The following CABCOCO1 variants were observed in gnomAD, a reference collection of about 807,000 sequenced individuals.
CABCOCO1 encodes the protein ciliary associated calcium binding coiled-coil 1.
A neutral mutation model predicts 35.7 loss-of-function variants in CABCOCO1; 28 were observed. The observed-to-expected ratio is 0.78, with a 90% CI of 0.58 to 1.07. The LOEUF (loss-of-function observed/expected upper bound fraction) is 1.07, where lower values mean the gene tolerates loss of function less well. Among genes scored for constraint, CABCOCO1 ranks in the 50% least tolerant of loss-of-function variants. CABCOCO1 has a pLI of 0.00. For synonymous variants in CABCOCO1, 95 were observed against 100.1 expected (o/e 0.95, Z 0.30); for missense variants, 326 against 309.2 (o/e 1.05, Z -0.41).
At chr10:61,747,667 T>C (rs2096257870) in intron 5 of CABCOCO1, among the ~76,000 whole-genome samples, 1 of 152,224 alleles carries the variant, frequency 6.6e-6, no homozygotes, top group Non-Finnish European at 1.5e-5. Context: ...TTGGTTTTGA[T>C]TACTTAAACA....
chr10:61,728,220 G>A (rs1175275079), intron 5 of CABCOCO1, among the ~76,000 whole-genome samples: 1 of 152,034 alleles, frequency 6.6e-6, no homozygotes, highest in African/African-American at 2.4e-5. Context: ...TGCATTGTTG[G>A]TTTTTCTATT....
intron 5 of CABCOCO1, among the ~76,000 whole-genome samples, chr10:61,699,474 C>T (rs1840385263): frequency 6.6e-6 from 1 of 152,114 alleles, no homozygotes; most frequent in South Asian, 2.1e-4. Flanking sequence ...AATCTCAGCT[C>T]CTCTGTGACC....
At chr10:61,684,466 T>A (rs952730425) in intron 3 of CABCOCO1, among the ~76,000 whole-genome samples, 1 of 152,142 alleles carries the variant, frequency 6.6e-6, no homozygotes, top group Non-Finnish European at 1.5e-5. Context: ...AATCCAGAAA[T>A]ACCTGGTCCA....
intron 1 of CABCOCO1, among the ~76,000 whole-genome samples, chr10:61,666,210 C>T (rs1839168256): frequency 6.6e-6 from 1 of 152,162 alleles, no homozygotes; most frequent in East Asian, 1.9e-4. Context: ...CTTTAGAAAA[C>T]AGACCCCACT....
intron 5 of CABCOCO1, among the ~76,000 whole-genome samples, chr10:61,745,413 G>A (rs1337758607): frequency 6.6e-6 from 1 of 152,240 alleles, no homozygotes; most frequent in African/African-American, 2.4e-5. Flanking sequence ...TGGCCTCCCT[G>A]TCCTTGCTCT....
rs911580649 is a variant in CABCOCO1 at position 61,766,311 on chromosome 10, T to G, written c.*298T>G. On this transcript the variant is annotated 3_prime_UTR_variant, in exon 8 of 8. Coordinates refer to ENST00000648843, the MANE Select transcript of CABCOCO1 (RefSeq NM_001366906.2). ...TATGATAGTCCTTTGACGTTTTGACTAATAAATCCTATTCATCTTCAAGGA... is the reference window on the plus strand; with the variant it reads ...TATGATAGTCCTTTGACGTTTTGACGAATAAATCCTATTCATCTTCAAGGA... 1.1e-4 allele frequency: 21 copies of G among 185,444 alleles called. No homozygotes were observed. The South Asian group carries it at 3.1e-3, about 28-fold the overall frequency. The allele number at this position is 185,444 out of a possible 1,614,324, so 11.5% of individuals were successfully genotyped here.
At chr10:61,727,088 A>T (rs1841172783) in intron 5 of CABCOCO1, among the ~76,000 whole-genome samples, 1 of 152,116 alleles carries the variant, frequency 6.6e-6, no homozygotes, top group Admixed American at 6.6e-5. Flanking sequence ...TTATAATAAT[A>T]AGAGATAAAA....
chr10:61,674,781 T>TAAAGTGAATA (rs1691082211), intron 2 of CABCOCO1, among the ~76,000 whole-genome samples: 2 of 152,312 alleles, frequency 1.3e-5, no homozygotes, highest in South Asian at 4.1e-4. Flanking sequence ...AAATTCACTT[T>TAAAGTGAATA]AAGCAGTTAA....
chr10:61,744,000 C>T (rs2132071481), intron 5 of CABCOCO1, among the ~76,000 whole-genome samples: 1 of 152,298 alleles, frequency 6.6e-6, no homozygotes, highest in African/African-American at 2.4e-5. Context: ...TAGACTGAGA[C>T]CTCCTCAAAA....
At chr10:61,764,806 C>G (rs1313098491) in intron 7 of CABCOCO1, among the ~76,000 whole-genome samples, 1 of 151,996 alleles carries the variant, frequency 6.6e-6, no homozygotes, top group Non-Finnish European at 1.5e-5. Context: ...TATGTGAGTT[C>G]TGAACCCAGA....
rs536261913 is a variant in CABCOCO1, at chr10:61,705,950, C to T, written c.552+15329C>T. Among the ~76,000 whole-genome samples the T allele has an allele frequency of 3.7e-4, 56 of 152,282 alleles. 1 individual carries two copies. In the South Asian group the frequency reaches 0.012, roughly 32 times the overall value. ...TAATCCTTAAAAGTATCAAAGACAACCATGAATGAAAGAGACTGTCTAGAT... is the reference window on the plus strand; with the variant it reads ...TAATCCTTAAAAGTATCAAAGACAATCATGAATGAAAGAGACTGTCTAGAT... On this transcript the variant is annotated intron_variant, in intron 5 of 7. Coordinates refer to ENST00000648843, the MANE Select transcript of CABCOCO1 (RefSeq NM_001366906.2).
intron 5 of CABCOCO1, among the ~76,000 whole-genome samples, chr10:61,730,740 T>C (rs993374258): frequency 1.3e-5 from 2 of 152,122 alleles, no homozygotes; most frequent in African/African-American, 2.4e-5. Flanking sequence ...GTAATAAACA[T>C]TCATAATACA....
intron 2 of CABCOCO1, 34 bp from the exon 3 acceptor site, chr10:61,681,109 G>T: frequency 2.3e-6 from 3 of 1,303,108 alleles, no homozygotes; most frequent in Middle Eastern, 2.0e-4. Context: ...TATCTAATCT[G>T]AATTAATATG....
At chr10:61,689,681 G>C (rs1224553726) in intron 4 of CABCOCO1, among the ~76,000 whole-genome samples, 3 of 152,132 alleles carry the variant, frequency 2.0e-5, no homozygotes, top group Non-Finnish European at 2.9e-5. Context: ...AAAGGCACCA[G>C]AGTGAAAGAG....
chr10:61,698,114 T>A (rs1840342972), intron 5 of CABCOCO1, among the ~76,000 whole-genome samples: 1 of 152,160 alleles, frequency 6.6e-6, no homozygotes, highest in African/African-American at 2.4e-5. Context: ...AAAGGTTATA[T>A]CCTATGTATG....
chr10:61,749,903 A>G (rs997733717), intron 5 of CABCOCO1, among the ~76,000 whole-genome samples: 2 of 151,830 alleles, frequency 1.3e-5, no homozygotes, highest in Non-Finnish European at 2.9e-5. Context: ...AGGACCTACT[A>G]TTTATAACGT....
At chr10:61,694,286 T>C (rs1840234870) in intron 5 of CABCOCO1, among the ~76,000 whole-genome samples, 1 of 146,840 alleles carries the variant, frequency 6.8e-6, no homozygotes, top group Admixed American at 6.9e-5. Context: ...TTATCAACTG[T>C]CTTGTTATCT....
chr10:61,665,094 A>T (rs1324571956), intron 1 of CABCOCO1, among the ~76,000 whole-genome samples: 1 of 152,228 alleles, frequency 6.6e-6, no homozygotes, highest in East Asian at 1.9e-4. Context: ...ATAAGCTTTC[A>T]GTAGTCTGAC....
chr10:61,728,829 C>T (rs139727674), intron 5 of CABCOCO1, among the ~76,000 whole-genome samples: 86 of 152,274 alleles, frequency 5.6e-4, no homozygotes, highest in African/African-American at 2.0e-3. Flanking sequence ...TAAGCCTTTC[C>T]TTCTTCCTCC....
Sources: allele counts gnomAD v4.1 joint callset (sites outside exome capture counted in the v4.1 genomes callset), GRCh38; gene constraint gnomAD v4.1.1; transcripts MANE v1.5; gene names NCBI Gene and HGNC (gene_info 2026-07-23, HGNC 2026-07-21).